Variants in GCNT4 observed in about 807,000 individuals in gnomAD.
The protein encoded by GCNT4 is glucosaminyl (N-acetyl) transferase 4.
GCNT4 carries 17 observed loss-of-function variants against 31.3 expected under a neutral mutation model. The ratio of observed to expected loss-of-function variants is 0.54; its 90% confidence interval spans 0.37 to 0.81. GCNT4 has a LOEUF of 0.81. GCNT4 is among the 40% of genes least tolerant of loss of function. The pLI is 0.00. For synonymous variants in GCNT4, 158 were observed against 190.6 expected, an observed-to-expected ratio of 0.83 and a Z score of 1.41; for missense variants, 503 against 525.5, an observed-to-expected ratio of 0.96 and a Z score of 0.42.
upstream of GCNT4, among the ~76,000 whole-genome samples, chr5:75,053,893 G>A (rs938806525): frequency 4.6e-5 from 7 of 152,206 alleles, no homozygotes; most frequent in Admixed American, 2.0e-4. Flanking sequence ...CTGAGGTCAG[G>A]AGAGCTAAGT....
rs1742985327 is a variant in GCNT4, at chr5:75,028,010, C to G, written c.*666G>C. On this transcript the variant is annotated 3_prime_UTR_variant, in exon 4 of 4. Transcript: ENST00000652361. Reference sequence around the variant, plus strand: ...AGGTACTACCTGTCCCAACCCACATCCTCACCCCCTTCCTTAACTTTCATA... The same window carrying G: ...AGGTACTACCTGTCCCAACCCACATGCTCACCCCCTTCCTTAACTTTCATA... The G allele has an allele frequency of 6.9e-6, 1 of 145,114 alleles. No individual in the cohort carries two copies. Among genetic ancestry groups the G allele is most frequent in the African/African-American group, 2.9e-5 (1 of 34,422 alleles). 9.0% of individuals were successfully genotyped at this position (145,114 alleles called of 1,614,324 possible).
intron 3 of GCNT4, among the ~76,000 whole-genome samples, chr5:75,043,287 T>C (rs1172092598): frequency 1.3e-5 from 2 of 152,106 alleles, no homozygotes; most frequent in African/African-American, 4.8e-5. Flanking sequence ...TAAAAAGAGA[T>C]CTGTGGGATA....
At position 75,028,252 on chromosome 5, in the gene GCNT4, T is replaced by C. The variant is rs1164253021; in HGVS notation, c.*424A>G. ...TGGTCACAGTACTTAAACACTACTC[T>C]GAAATGGGTGGTTTATATGATCAGA... On this transcript the variant is annotated 3_prime_UTR_variant, in exon 4 of 4. Transcript: ENST00000652361. 6.1e-6 allele frequency: 1 copy of C among 164,700 alleles called. No individual in the cohort carries two copies. The highest frequency in any genetic ancestry group is 1.3e-5 in the Non-Finnish European group (1 of 76,282). The allele number at this position is 164,700 out of a possible 1,614,324, so 10.2% of individuals were successfully genotyped here.
Position 75,029,751 on chromosome 5 carries a change from A to ATG in GCNT4, c.285_286dup (p.Ile96ThrfsTer12). 6.2e-7 allele frequency: 1 copy of ATG among 1,614,114 alleles called. No homozygotes were observed. Among genetic ancestry groups the ATG allele is most frequent in the Non-Finnish European group, 8.5e-7 (1 of 1,180,020 alleles). On this transcript the variant is annotated frameshift_variant, in exon 4 of 4. Transcript: ENST00000652361. LOFTEE classifies it high-confidence loss of function. Reference sequence around the variant, plus strand: ...CACAACATCATCATCCTCCAAGTCAATGATGTCCCTTCTTCTTATTTCCAG... The same window carrying ATG: ...CACAACATCATCATCCTCCAAGTCAATGTGATGTCCCTTCTTCTTATTTCCAG...
chr5:75,039,442 C>G (rs573241986), intron 3 of GCNT4, among the ~76,000 whole-genome samples: 1 of 152,328 alleles, frequency 6.6e-6, no homozygotes, highest in South Asian at 2.1e-4. Context: ...ATACTCCATT[C>G]AGTAAATCTA....
intron 3 of GCNT4, among the ~76,000 whole-genome samples, chr5:75,032,872 G>GGTGGGTGT (rs55942109): frequency 0.082 from 10,759 of 130,618 alleles, 639 homozygotes; most frequent in Non-Finnish European, 0.11. Flanking sequence ...CCCAAATAGG[G>GGTGGGTGT]GTGTGTGTGT....
intron 2 of GCNT4, among the ~76,000 whole-genome samples, chr5:75,048,708 G>C (rs953928802): frequency 1.7e-4 from 26 of 152,286 alleles, no homozygotes; most frequent in Middle Eastern, 3.4e-3. Flanking sequence ...GACTAAGGAA[G>C]GGACCAACCC....
chr5:75,024,971 A>C (rs923216259), downstream of GCNT4, among the ~76,000 whole-genome samples: 1 of 151,484 alleles, frequency 6.6e-6, no homozygotes, highest in Admixed American at 6.6e-5. Context: ...AAAAAAAAAA[A>C]AAAGGTAGAA....
chr5:75,032,163 A>C lies in GCNT4; in HGVS notation c.-1-2125T>G, dbSNP rs184733304. 3.9e-4 allele frequency among the ~76,000 whole-genome samples: 60 copies of C among 152,244 alleles called. No individual in the cohort carries two copies. The East Asian group carries it at 0.01, about 26-fold the overall frequency. ...TGCAGAATCCCACCTCTCCAGCCACATCTCGTCTCTCCTCTGTGGACTGCC... is the reference window on the plus strand; with the variant it reads ...TGCAGAATCCCACCTCTCCAGCCACCTCTCGTCTCTCCTCTGTGGACTGCC... On this transcript the variant is annotated intron_variant, in intron 3 of 3. Transcript: ENST00000652361.
At chr5:75,042,976 T>C (rs545582575) in intron 3 of GCNT4, among the ~76,000 whole-genome samples, 3 of 152,210 alleles carry the variant, frequency 2.0e-5, no homozygotes, top group East Asian at 1.9e-4. Flanking sequence ...TCCGCCACAA[T>C]AGGAATTTCA....
downstream of GCNT4, among the ~76,000 whole-genome samples, chr5:75,024,873 C>T (rs916125761): frequency 6.6e-6 from 1 of 150,398 alleles, no homozygotes; most frequent in Non-Finnish European, 1.5e-5. Flanking sequence ...ATTGCTTGAT[C>T]CCGGGAGGCG....
intron 3 of GCNT4, among the ~76,000 whole-genome samples, chr5:75,039,978 ACGAGTT>A (rs1396740927): frequency 2.0e-5 from 3 of 152,146 alleles, no homozygotes; most frequent in African/African-American, 7.2e-5. Context: ...GCCTTACTCT[ACGAGTT>A]CATCTTATTC....
chr5:75,050,437 T>C (rs1743543187), intron 2 of GCNT4, among the ~76,000 whole-genome samples: 1 of 152,032 alleles, frequency 6.6e-6, no homozygotes, highest in South Asian at 2.1e-4. Flanking sequence ...TAGCCCTCCG[T>C]CCCACCTCTC....
In GCNT4 at chr5:75,032,701, C is replaced by CTA. The variant is rs1381281366; in HGVS notation, c.-1-2664_-1-2663insTA. Among the ~76,000 whole-genome samples, 3 of 152,280 alleles carry CTA rather than the reference C, an allele frequency of 2.0e-5. No homozygotes were observed. The East Asian group carries it at 5.8e-4, about 29-fold the overall frequency. On this transcript the variant is annotated intron_variant, in intron 3 of 3. Coordinates refer to ENST00000652361, the MANE Select transcript of GCNT4 (RefSeq NM_001366737.1). ...CTCCAAAGCACACTGAACAGGGTCC[C>CTA]ATCACTCAGGCTCAAGGCCAGGGTT...
Position 75,029,717 on chromosome 5 carries a change from G to C in GCNT4, c.321C>G (p.Thr107=), listed in dbSNP as rs1447819840. 6.2e-7 allele frequency: 1 copy of C among 1,614,062 alleles called. No homozygotes were observed. The highest frequency in any genetic ancestry group is 1.7e-5 in the Admixed American group (1 of 60,018). Residue 107 remains threonine, a synonymous_variant, in exon 4 of 4, where the codon ACC becomes ACG. Coordinates refer to ENST00000652361, the MANE Select transcript of GCNT4 (RefSeq NM_001366737.1). ...DLEDDDVVAM[T]SDCDIYQTLR... ...GAGTCTGATAAATGTCACAATCACT[G>C]GTCATTGCCACAACATCATCATCCT...
downstream of GCNT4, among the ~76,000 whole-genome samples, chr5:75,022,156 C>T (rs1046127158): frequency 2.6e-5 from 4 of 152,124 alleles, no homozygotes; most frequent in Non-Finnish European, 1.5e-5. Context: ...CCCATGATTT[C>T]AGGTTACTCA....
intron 3 of GCNT4, among the ~76,000 whole-genome samples, chr5:75,037,657 A>G (rs1743228444): frequency 6.6e-6 from 1 of 152,126 alleles, no homozygotes; most frequent in African/African-American, 2.4e-5. Flanking sequence ...AGTGCAGATC[A>G]CCTGAGATCA....
chr5:75,052,770 C>T (rs1350329541), upstream of GCNT4: 2 of 152,250 alleles, frequency 1.3e-5, no homozygotes, highest in Non-Finnish European at 2.9e-5. Flanking sequence ...CGGGCAGCAT[C>T]GCTTGTCCCC....
intron 3 of GCNT4, among the ~76,000 whole-genome samples, chr5:75,040,446 C>T (rs116525472): frequency 0.02 from 3,042 of 152,272 alleles, 58 homozygotes; most frequent in African/African-American, 0.056. Context: ...ATACCTGGTA[C>T]GGGGTAGTTG....
Sources: allele counts gnomAD v4.1 joint callset (sites outside exome capture counted in the v4.1 genomes callset), GRCh38; gene constraint gnomAD v4.1.1; transcripts MANE v1.5; gene names NCBI Gene and HGNC (gene_info 2026-07-23, HGNC 2026-07-21).